Variants in CABLES1 observed in about 807,000 individuals in gnomAD.
CABLES1 encodes the protein Cdk5 and Abl enzyme substrate 1.
CABLES1 carries 36 observed loss-of-function variants against 57.8 expected under a neutral mutation model. That is an observed-to-expected ratio of 0.62 (90% confidence interval 0.48 to 0.82). The LOEUF (loss-of-function observed/expected upper bound fraction) is 0.82, where lower values mean the gene tolerates loss of function less well. Ranked by LOEUF, CABLES1 falls within the 40% of genes least tolerant of loss-of-function variation. CABLES1 has a pLI of 0.00. For missense variants in CABLES1, 767 were observed against 836.6 expected, an observed-to-expected ratio of 0.92 and a Z score of 1.03; for synonymous variants, 374 against 363.0, an observed-to-expected ratio of 1.03 and a Z score of -0.35.
chr18:23,151,503 G>C, intron 1 of CABLES1, among the ~76,000 whole-genome samples: 1 of 152,210 alleles, frequency 6.6e-6, no homozygotes, highest in South Asian at 2.1e-4. Context: ...AGGTAGAGCT[G>C]ATAGAACTTG....
chr18:23,164,340 C>G (rs1273376481), intron 1 of CABLES1, among the ~76,000 whole-genome samples: 2 of 152,184 alleles, frequency 1.3e-5, no homozygotes, highest in Admixed American at 6.5e-5. Flanking sequence ...GGGCCAGTGC[C>G]CATCATCACA....
In CABLES1 at chr18:23,174,821, C is replaced by CATATATATAT. The variant is rs569579022; in HGVS notation, c.846-13986_846-13977dup. Among the ~76,000 whole-genome samples the CATATATATAT allele has an allele frequency of 7.1e-3, 675 of 94,474 alleles. 6 individuals are homozygous for CATATATATAT. The highest frequency in any genetic ancestry group is 8.4e-3 in the African/African-American group (207 of 24,554). 62.0% of individuals were successfully genotyped at this position (94,474 alleles called of 152,430 possible). ...ATTTGTATGTATATACATGTTACAC[C>CATATATATAT]ATATATATATATATATATATATATA... On this transcript the variant is annotated intron_variant, in intron 1 of 9. Transcript: ENST00000256925.
intron 1 of CABLES1, among the ~76,000 whole-genome samples, chr18:23,156,514 T>C (rs537910662): frequency 6.6e-6 from 1 of 152,348 alleles, no homozygotes; most frequent in Non-Finnish European, 1.5e-5. Flanking sequence ...ATACAACTTT[T>C]AGCTAATATA....
intron 1 of CABLES1, among the ~76,000 whole-genome samples, chr18:23,183,346 G>T (rs2047180673): frequency 6.6e-6 from 1 of 152,176 alleles, no homozygotes; most frequent in African/African-American, 2.4e-5. Context: ...TGCGTCCCGG[G>T]AGTATACAGT....
chr18:23,219,053 C>T, intron 4 of CABLES1: 1 of 389,190 alleles, frequency 2.6e-6, no homozygotes, highest in South Asian at 1.8e-5. Context: ...CCCCACCCCC[C>T]CGCAAGTGCC....
intron 1 of CABLES1, among the ~76,000 whole-genome samples, chr18:23,164,284 C>T (rs758666559): frequency 3.2e-4 from 48 of 152,316 alleles, no homozygotes; most frequent in African/African-American, 1.1e-3. Flanking sequence ...TGTTGTCATC[C>T]GGAGCCAGTG....
intron 1 of CABLES1, among the ~76,000 whole-genome samples, chr18:23,140,831 A>G (rs531829405): frequency 4.6e-5 from 7 of 152,244 alleles, no homozygotes; most frequent in Middle Eastern, 3.4e-3. Flanking sequence ...GAAGAGCCTT[A>G]AGTCCTGTGT....
At chr18:23,148,961 T>TTTAC (rs762827489) in intron 1 of CABLES1, among the ~76,000 whole-genome samples, 5 of 151,686 alleles carry the variant, frequency 3.3e-5, no homozygotes, top group Non-Finnish European at 5.9e-5. Flanking sequence ...GTGATCTCAG[T>TTTAC]TTACTGCAAC....
intron 2 of CABLES1, among the ~76,000 whole-genome samples, chr18:23,191,800 A>C (rs1281191488): frequency 6.6e-6 from 1 of 151,632 alleles, no homozygotes; most frequent in African/African-American, 2.4e-5. Context: ...TCTTCGCTTA[A>C]CCTGCCAACC....
chr18:23,233,656 T>C (rs1285098951), intron 4 of CABLES1, among the ~76,000 whole-genome samples: 2 of 152,132 alleles, frequency 1.3e-5, no homozygotes, highest in Non-Finnish European at 2.9e-5. Flanking sequence ...GAGGCTACAG[T>C]GAGCCATGAT....
chr18:23,144,835 C>T (rs377687937), intron 1 of CABLES1, among the ~76,000 whole-genome samples: 24 of 151,994 alleles, frequency 1.6e-4, no homozygotes, highest in Admixed American at 8.5e-4. Context: ...CCACAGGAAT[C>T]GGCCAATGCT....
At chr18:23,178,424 T>C (rs1414879368) in intron 1 of CABLES1, among the ~76,000 whole-genome samples, 2 of 150,282 alleles carry the variant, frequency 1.3e-5, no homozygotes, top group African/African-American at 5.0e-5. Flanking sequence ...GACCCTGGGC[T>C]GGCCGCCTGA....
At chr18:23,240,710 G>A (rs895763680) in intron 7 of CABLES1, among the ~76,000 whole-genome samples, 7 of 152,198 alleles carry the variant, frequency 4.6e-5, no homozygotes, top group Non-Finnish European at 7.3e-5. Context: ...TGCCTGTCCC[G>A]TCTTCCTCGG....
intron 4 of CABLES1, among the ~76,000 whole-genome samples, chr18:23,230,455 C>T (rs1430608376): frequency 2.0e-5 from 3 of 152,138 alleles, no homozygotes; most frequent in Non-Finnish European, 2.9e-5. Flanking sequence ...GCTGACTATG[C>T]CCACGCCTGT....
intron 9 of CABLES1, among the ~76,000 whole-genome samples, chr18:23,256,139 T>C (rs1339052516): frequency 2.0e-5 from 3 of 152,248 alleles, no homozygotes; most frequent in Admixed American, 2.0e-4. Flanking sequence ...CTGAAAGCAG[T>C]CAACATCTGC....
At chr18:23,182,584 G>A (rs566808816) in intron 1 of CABLES1, among the ~76,000 whole-genome samples, 1 of 152,350 alleles carries the variant, frequency 6.6e-6, no homozygotes, top group South Asian at 2.1e-4. Context: ...AGGCTTTGGT[G>A]ATTTTGTTGC....
intron 3 of CABLES1, among the ~76,000 whole-genome samples, chr18:23,202,075 G>A (rs1342069038): frequency 6.6e-6 from 1 of 150,882 alleles, no homozygotes; most frequent in Non-Finnish European, 1.5e-5. Flanking sequence ...GGCGAGATGA[G>A]CTCTGATAAG....
chr18:23,215,581 C>T lies in CABLES1; in HGVS notation c.1088+1527C>T, dbSNP rs539353100. 2.6e-5 allele frequency among the ~76,000 whole-genome samples: 4 copies of T among 152,224 alleles called. No homozygotes were observed. The South Asian group carries it at 8.3e-4, about 32-fold the overall frequency. ...TTCCCTGGCTGACCTCTCTGATTGA[C>T]ACATTCTTTCCTTAGCTCCATCTCA... is the stretch of plus-strand genomic sequence containing the variant. On this transcript the variant is annotated intron_variant, in intron 4 of 9. Transcript: ENST00000256925.
chr18:23,205,403 A>G (rs890321550), intron 3 of CABLES1, among the ~76,000 whole-genome samples: 2 of 152,072 alleles, frequency 1.3e-5, no homozygotes, highest in Non-Finnish European at 2.9e-5. Flanking sequence ...CATGTTGGCC[A>G]GGCTGGTCTT....
Sources: allele counts gnomAD v4.1 joint callset (sites outside exome capture counted in the v4.1 genomes callset), GRCh38; gene constraint gnomAD v4.1.1; transcripts MANE v1.5; gene names NCBI Gene and HGNC (gene_info 2026-07-23, HGNC 2026-07-21).